CACNA1C: variants seen among roughly 807,000 people sequenced by gnomAD.
The protein encoded by CACNA1C is voltage-dependent L-type calcium channel subunit alpha-1C.
Under a neutral mutation model 229.0 loss-of-function variants are expected in CACNA1C, and 30 were observed. That is an observed-to-expected ratio of 0.13 (90% confidence interval 0.10 to 0.18). The LOEUF (loss-of-function observed/expected upper bound fraction) is 0.18. CACNA1C is among the 10% of genes least tolerant of loss of function. The pLI, the probability that CACNA1C is intolerant of heterozygous loss-of-function variation, is 1.00. For synonymous variants in CACNA1C, 1,114 were observed against 1,132.5 expected (o/e 0.98, Z 0.33); for missense variants, 1,658 against 2,845.0 (o/e 0.58, Z 9.49).
rs113461193 is a variant in CACNA1C, at chr12:2,203,337, C to T, written c.477+82907C>T. On this transcript the variant is annotated intron_variant, in intron 3 of 46. Transcript: ENST00000399655. The stretch of plus-strand genomic sequence containing the variant: ...TCCCCCTCAGTTGTGGTGCTGTTGG[C>T]ATTTTTGCAGGGACTGTTCGTTGTT... 7.2e-5 allele frequency among the ~76,000 whole-genome samples: 11 copies of T among 152,260 alleles called. 1 individual carries two copies. Among genetic ancestry groups the T allele is most frequent in the African/African-American group, 2.4e-4 (10 of 41,560 alleles).
chr12:2,337,656 G>C (rs562951866), intron 3 of CACNA1C, among the ~76,000 whole-genome samples: 2 of 148,928 alleles, frequency 1.3e-5, no homozygotes, highest in Non-Finnish European at 3.0e-5. Context: ...GCTAACATTT[G>C]TATAGCACTC....
rs781649145 is a variant in CACNA1C at position 2,512,866 on chromosome 12, G to A, written c.1272G>A (p.Leu424=). ...KAKARGDFQK[L]REKQQLEEDL... is the part of the protein sequence containing the mutation. ...AGGCCCGGGGAGATTTCCAGAAGCT[G>A]CGGGAGAAGCAGCAGCTAGAAGAGG... is the stretch of plus-strand genomic sequence containing the variant. The change falls in exon 9 of 47, where the codon CTG becomes CTA. Residue 424 remains leucine, a synonymous_variant. Transcript: ENST00000399655. The surrounding 1 kb of genome is among the most constrained non-coding windows in gnomAD (Gnocchi z 4.3). The A allele has an allele frequency of 6.2e-7, 1 of 1,613,522 alleles. No individual in the cohort carries two copies. The highest frequency in any genetic ancestry group is 8.5e-7 in the Non-Finnish European group (1 of 1,179,698).
At chr12:2,314,981 T>C (rs570367760) in intron 3 of CACNA1C, among the ~76,000 whole-genome samples, 24 of 152,302 alleles carry the variant, frequency 1.6e-4, no homozygotes, top group African/African-American at 5.8e-4. Flanking sequence ...GACTTGCCTT[T>C]ATGAAAGAAA....
At chr12:2,036,544 C>T (rs1447398018) in intron 1 of CACNA1C, among the ~76,000 whole-genome samples, 2 of 151,950 alleles carry the variant, frequency 1.3e-5, no homozygotes, top group Admixed American at 1.3e-4. Context: ...TGGCTCACTG[C>T]AACCTCTGCC....
At chr12:1,988,529 T>C (rs117366532) in intron 1 of CACNA1C, among the ~76,000 whole-genome samples, 4,160 of 152,346 alleles carry the variant, frequency 0.027, 95 homozygotes, top group Middle Eastern at 0.054. Flanking sequence ...GCAACGCTCA[T>C]GTTTGTGAAC....
chr12:2,666,661 G>GTCCCTCCTC lies in CACNA1C; in HGVS notation c.4527-14_4527-6dup. 1 of 1,498,846 alleles carries GTCCCTCCTC rather than the reference G, an allele frequency of 6.7e-7. No individual in the cohort carries two copies. 92.8% of individuals were successfully genotyped at this position (1,498,846 alleles called of 1,614,324 possible). On this transcript the variant is annotated intron_variant, in intron 36 of 46. Transcript: ENST00000399655. This position sits in a 1 kb window ranked among gnomAD's most constrained non-coding sequence, Gnocchi z 5.3. The stretch of plus-strand genomic sequence containing the variant: ...AGAGACCGTGGCTCTCTGATGCCCT[G>GTCCCTCCTC]TCCCTCCTCTCCCTCCTCTTCTAGG...
intron 1 of CACNA1C, chr12:2,004,248 C>G: frequency 1.2e-6 from 2 of 1,611,454 alleles, no homozygotes; most frequent in Non-Finnish European, 1.7e-6. Context: ...CACCCCAACC[C>G]TGGGCTGCAC....
Position 2,312,468 on chromosome 12 carries a change from G to A in CACNA1C, c.478-136508G>A, listed in dbSNP as rs1376771974. 3.3e-5 allele frequency among the ~76,000 whole-genome samples: 5 copies of A among 152,142 alleles called. No homozygotes were observed. The South Asian group carries it at 8.3e-4, about 25-fold the overall frequency. On this transcript the variant is annotated intron_variant, in intron 3 of 46. Transcript: ENST00000399655. The stretch of plus-strand genomic sequence containing the variant: ...TCCATTGACCATCCTTCTGCCCTCA[G>A]ATCAACACAAGGGCCAATTCCATTC...
chr12:2,605,808 G>A lies in CACNA1C; in HGVS notation c.3156+22G>A, dbSNP rs1235526450. 2 of 1,497,062 alleles carry A rather than the reference G, an allele frequency of 1.3e-6. No homozygotes were observed. The highest frequency in any genetic ancestry group is 9.3e-7 in the Non-Finnish European group (1 of 1,073,156). The allele number at this position is 1,497,062 out of a possible 1,614,324, so 92.7% of individuals were successfully genotyped here. A position where few individuals can be genotyped will look rare whatever the true frequency, so the allele number is the denominator to read the frequency against. The stretch of plus-strand genomic sequence containing the variant: ...CAAGGTAAAGTCTGGGCTCCGTTGT[G>A]GTCCTCCTACCTCCCCTCCCATCAG... On this transcript the variant is annotated intron_variant, in intron 24 of 46. Transcript: ENST00000399655. The surrounding 1 kb of genome is among the most constrained non-coding windows in gnomAD (Gnocchi z 6.2).
intron 3 of CACNA1C, among the ~76,000 whole-genome samples, chr12:2,135,573 G>C (rs1482591606): frequency 6.0e-5 from 8 of 134,372 alleles, no homozygotes; most frequent in South Asian, 2.3e-4. Context: ...GCTGTGAGAG[G>C]TGTCAGTCTG....
intron 3 of CACNA1C, among the ~76,000 whole-genome samples, chr12:2,196,590 A>C (rs971340244): frequency 6.6e-6 from 1 of 152,258 alleles, no homozygotes; most frequent in Non-Finnish European, 1.5e-5. Context: ...GTTGCCATAA[A>C]TCATAATGGA....
chr12:2,611,375 T>C, intron 28 of CACNA1C, among the ~76,000 whole-genome samples: 1 of 126,050 alleles, frequency 7.9e-6, no homozygotes, highest in East Asian at 2.4e-4. Context: ...GGGGAGGAGA[T>C]GGAGGAGGGA....
intron 3 of CACNA1C, 55 bp from the exon 4 acceptor site, chr12:2,448,921 C>A: frequency 6.7e-6 from 10 of 1,491,454 alleles, no homozygotes; most frequent in Non-Finnish European, 9.2e-6. Flanking sequence ...TCCAAACTTT[C>A]CAAATCCCCA....
intron 1 of CACNA1C, among the ~76,000 whole-genome samples, chr12:2,032,205 T>C (rs2048356711): frequency 6.6e-6 from 1 of 152,016 alleles, no homozygotes; most frequent in Non-Finnish European, 1.5e-5. Context: ...CAAACACCCA[T>C]CCATCTCTGC....
chr12:2,271,465 G>A (rs2084962660), intron 3 of CACNA1C, among the ~76,000 whole-genome samples: 2 of 152,164 alleles, frequency 1.3e-5, no homozygotes, highest in African/African-American at 4.8e-5. Flanking sequence ...AGCTCAGACT[G>A]CCTGAGTTCA....
At chr12:2,197,294 A>G (rs1307427331) in intron 3 of CACNA1C, among the ~76,000 whole-genome samples, 1 of 152,198 alleles carries the variant, frequency 6.6e-6, no homozygotes, top group Admixed American at 6.5e-5. Flanking sequence ...TTGGAAATGC[A>G]TGTGTTCCTC....
intron 42 of CACNA1C, 79 bp from the exon 43 acceptor site, chr12:2,682,445 CGTGTGTACACCTGCATGTGTGTGCGT>C: frequency 2.3e-6 from 3 of 1,328,258 alleles, no homozygotes; most frequent in Non-Finnish European, 3.1e-6. Context: ...TGTTTGTGCA[CGTGTGTACACCTGCATGTGTGTGCGT>C]GTGTGATGCT....
At chr12:1,993,415 G>A (rs746252832) in intron 1 of CACNA1C, 21 of 1,603,546 alleles carry the variant, frequency 1.3e-5, no homozygotes, top group Middle Eastern at 1.7e-4. Flanking sequence ...GGAGTCAGGG[G>A]GAAATCAATA....
Position 2,106,169 on chromosome 12 carries a change from GGA to G in CACNA1C, c.50-9049_50-9048del, listed in dbSNP as rs1158861596. 3.4e-4 allele frequency among the ~76,000 whole-genome samples: 19 copies of G among 55,692 alleles called. 6 individuals are homozygous for G. In the East Asian group the frequency reaches 9.8e-3, roughly 29 times the overall value. The allele number at this position is 55,692 out of a possible 152,430, so 36.5% of individuals were successfully genotyped here. A position where few individuals can be genotyped will look rare whatever the true frequency, so the allele number is the denominator to read the frequency against. On this transcript the variant is annotated intron_variant, in intron 1 of 46. Transcript: ENST00000399655. ...CCTGAAGCCACTGGGCGCCCACCCTGGAGAGAGTTTCCACCTCAGCTGGGCGT... is the reference window on the plus strand; with the variant it reads ...CCTGAAGCCACTGGGCGCCCACCCTGGAGAGTTTCCACCTCAGCTGGGCGT...
Sources: allele counts gnomAD v4.1 joint callset (sites outside exome capture counted in the v4.1 genomes callset), GRCh38; gene constraint gnomAD v4.1.1; non-coding constraint Gnocchi (gnomAD v3.1); transcripts MANE v1.5; gene names NCBI Gene and HGNC (gene_info 2026-07-23, HGNC 2026-07-21).